TAFA1: variants seen among roughly 807,000 people sequenced by gnomAD.
TAFA1 encodes the protein TAFA chemokine like family member 1, also known as chemokine-like protein TAFA-1.
TAFA1 carries 4 observed loss-of-function variants against 18.5 expected under a neutral mutation model. The observed-to-expected ratio is 0.22, with a 90% CI of 0.11 to 0.49. The LOEUF (loss-of-function observed/expected upper bound fraction) is 0.49, where lower values mean the gene tolerates loss of function less well. Ranked by LOEUF, TAFA1 falls within the 20% of genes least tolerant of loss-of-function variation. TAFA1 has a pLI of 0.98. For synonymous variants in TAFA1, 56 were observed against 55.2 expected (o/e 1.01, Z -0.06); for missense variants, 147 against 169.0 (o/e 0.87, Z 0.72).
intron 2 of TAFA1, among the ~76,000 whole-genome samples, chr3:68,077,707 T>C (rs1350058205): frequency 6.6e-6 from 1 of 151,996 alleles, no homozygotes; most frequent in African/African-American, 2.4e-5. Context: ...TTTTGGTTAC[T>C]GTAGCCTAGT....
chr3:68,014,708 TGTAAAAA>T (rs1372736900), intron 2 of TAFA1, among the ~76,000 whole-genome samples: 1 of 152,188 alleles, frequency 6.6e-6, no homozygotes, highest in Non-Finnish European at 1.5e-5. Context: ...CCTTTTCTTA[TGTAAAAA>T]AGCATTCTGC....
intron 3 of TAFA1, among the ~76,000 whole-genome samples, chr3:68,454,237 A>G (rs1449970181): frequency 6.6e-6 from 1 of 152,108 alleles, no homozygotes; most frequent in Non-Finnish European, 1.5e-5. Flanking sequence ...AGTCCCTTAA[A>G]TATTCTTCCC....
chr3:68,071,234 A>T (rs1478064294), intron 2 of TAFA1, among the ~76,000 whole-genome samples: 6 of 152,234 alleles, frequency 3.9e-5, no homozygotes, highest in Non-Finnish European at 8.8e-5. Context: ...AAGGAGGAGG[A>T]AGTCACACCT....
At chr3:68,445,440 T>G (rs1486431224) in intron 3 of TAFA1, among the ~76,000 whole-genome samples, 3 of 152,188 alleles carry the variant, frequency 2.0e-5, no homozygotes, top group Non-Finnish European at 4.4e-5. Context: ...GAATAAATGA[T>G]TTATGCAATG....
intron 2 of TAFA1, among the ~76,000 whole-genome samples, chr3:68,210,697 G>C (rs1294090175): frequency 6.6e-6 from 1 of 152,026 alleles, no homozygotes; most frequent in Non-Finnish European, 1.5e-5. Flanking sequence ...TACTGATGCA[G>C]CTCCTGCTGC....
At chr3:68,335,379 T>C (rs2068953454) in intron 2 of TAFA1, among the ~76,000 whole-genome samples, 1 of 152,218 alleles carries the variant, frequency 6.6e-6, no homozygotes, top group Admixed American at 6.5e-5. Flanking sequence ...ATGGTACCAC[T>C]GCCCATTTTT....
Position 68,048,043 on chromosome 3 carries a change from C to A in TAFA1, c.118+41299C>A, listed in dbSNP as rs184525958. Among the ~76,000 whole-genome samples, 56 of 152,240 alleles carry A rather than the reference C, an allele frequency of 3.7e-4. No homozygotes were observed. The East Asian group carries it at 8.5e-3, about 23-fold the overall frequency. On this transcript the variant is annotated intron_variant, in intron 2 of 4. Transcript: ENST00000478136. ...TAGAGAAATCAACCCAGAGCCTAGACATCATGGAATCATGAAGGTAACAAA... is the reference window on the plus strand; with the variant it reads ...TAGAGAAATCAACCCAGAGCCTAGAAATCATGGAATCATGAAGGTAACAAA...
intron 2 of TAFA1, among the ~76,000 whole-genome samples, chr3:68,110,911 G>GA (rs2065255136): frequency 6.6e-6 from 1 of 152,078 alleles, no homozygotes; most frequent in South Asian, 2.1e-4. Flanking sequence ...CTGAAAGGTG[G>GA]GTGGTTCCCT....
At chr3:68,508,000 C>T (rs191652468) in intron 3 of TAFA1, among the ~76,000 whole-genome samples, 2 of 152,116 alleles carry the variant, frequency 1.3e-5, no homozygotes, top group African/African-American at 4.8e-5. Flanking sequence ...ATAGACTGGG[C>T]AGCTTACACA....
intron 3 of TAFA1, among the ~76,000 whole-genome samples, chr3:68,423,973 T>C (rs1575854035): frequency 6.6e-6 from 1 of 152,136 alleles, no homozygotes; most frequent in East Asian, 1.9e-4. Flanking sequence ...TGCCGTCTTA[T>C]ACTGGATCAC....
intron 2 of TAFA1, among the ~76,000 whole-genome samples, chr3:68,183,382 A>G (rs1418538282): frequency 6.6e-6 from 1 of 152,184 alleles, no homozygotes; most frequent in Non-Finnish European, 1.5e-5. Context: ...ATTGTCATAC[A>G]TTGGAACACT....
intron 2 of TAFA1, among the ~76,000 whole-genome samples, chr3:68,330,558 A>G (rs2068849877): frequency 6.6e-6 from 1 of 152,224 alleles, no homozygotes; most frequent in South Asian, 2.1e-4. Context: ...TATGTGTGTT[A>G]TCACACTTAA....
At chr3:68,524,002 A>T (rs1453662489) in intron 3 of TAFA1, among the ~76,000 whole-genome samples, 1 of 152,132 alleles carries the variant, frequency 6.6e-6, no homozygotes, top group Non-Finnish European at 1.5e-5. Context: ...ATATTTTCTG[A>T]CTACTTTCCC....
chr3:68,332,651 C>T (rs1462361953), intron 2 of TAFA1, among the ~76,000 whole-genome samples: 1 of 152,042 alleles, frequency 6.6e-6, no homozygotes, highest in South Asian at 2.1e-4. Flanking sequence ...TGAAGGAGAC[C>T]AACAGGTATG....
intron 2 of TAFA1, chr3:68,145,603 G>A: frequency 6.7e-7 from 1 of 1,485,474 alleles, no homozygotes. Context: ...TAGCCAGACT[G>A]ACGGATTATG....
chr3:68,329,140 C>G (rs1219902220), intron 2 of TAFA1, among the ~76,000 whole-genome samples: 1 of 150,148 alleles, frequency 6.7e-6, no homozygotes, highest in Non-Finnish European at 1.5e-5. Context: ...CCTCCGCCTC[C>G]CGGGTTCAAG....
chr3:68,481,175 A>C (rs1415535244), intron 3 of TAFA1, among the ~76,000 whole-genome samples: 1 of 152,200 alleles, frequency 6.6e-6, no homozygotes, highest in Non-Finnish European at 1.5e-5. Context: ...GTTGACTTTC[A>C]ATATCTCTTT....
chr3:68,258,124 G>A (rs2067334611), intron 2 of TAFA1, among the ~76,000 whole-genome samples: 1 of 152,108 alleles, frequency 6.6e-6, no homozygotes, highest in East Asian at 1.9e-4. Flanking sequence ...TCCAAATAAA[G>A]TTTAGTTAAT....
intron 2 of TAFA1, among the ~76,000 whole-genome samples, chr3:68,307,268 G>T (rs527788451): frequency 6.6e-6 from 1 of 152,048 alleles, no homozygotes; most frequent in Non-Finnish European, 1.5e-5. Flanking sequence ...CTCATTTTTC[G>T]AAAGTTGGAA....
Sources: allele counts gnomAD v4.1 joint callset (sites outside exome capture counted in the v4.1 genomes callset), GRCh38; gene constraint gnomAD v4.1.1; transcripts MANE v1.5; gene names NCBI Gene and HGNC (gene_info 2026-07-23, HGNC 2026-07-21).